The following CYP19A1 variants were observed in gnomAD, a reference collection of about 807,000 sequenced individuals.
The protein encoded by CYP19A1 is aromatase.
A neutral mutation model predicts 44.4 loss-of-function variants in CYP19A1; 32 were observed. The ratio of observed to expected loss-of-function variants is 0.72; its 90% CI spans 0.54 to 0.97. The LOEUF is 0.97. Ranked by LOEUF, CYP19A1 falls within the 50% of genes least tolerant of loss-of-function variation. CYP19A1 has a pLI of 0.00. For missense variants in CYP19A1, 598 were observed against 637.8 expected (o/e 0.94, Z 0.67); for synonymous variants, 212 against 215.6 (o/e 0.98, Z 0.14).
rs1436432614 is a variant in CYP19A1 at position 51,208,724 on chromosome 15, C to G, written c.*2084G>C. ...GATCGTTCAAACCAACACTTCTCCT[C>G]TTCCTGTCCCTCCCCCATGTCCCTC... On this transcript the variant is annotated 3_prime_UTR_variant, in exon 10 of 10. Transcript: ENST00000396402. 6.6e-6 allele frequency: 1 copy of G among 151,760 alleles called. No individual in the cohort carries two copies. Among genetic ancestry groups the G allele is most frequent in the Non-Finnish European group, 1.5e-5 (1 of 67,944 alleles). 9.4% of individuals were successfully genotyped at this position (151,760 alleles called of 1,614,324 possible).
chr15:51,260,481 C>T (rs2140934446), intron 1 of CYP19A1, among the ~76,000 whole-genome samples: 1 of 152,302 alleles, frequency 6.6e-6, no homozygotes, highest in East Asian at 1.9e-4. Context: ...CTGAGACGGA[C>T]TGAGATTACC....
In CYP19A1 at chr15:51,210,709, G is replaced by T; in HGVS notation, c.*99C>A. 3.5e-6 allele frequency: 3 copies of T among 851,170 alleles called. No homozygotes were observed. The allele number at this position is 851,170 out of a possible 1,614,324, so 52.7% of individuals were successfully genotyped here. On this transcript the variant is annotated 3_prime_UTR_variant, in exon 10 of 10. Coordinates refer to ENST00000396402, the MANE Select transcript of CYP19A1 (RefSeq NM_000103.4). ...TGCCTATAAAATGCCATGGGCCACT[G>T]AGTGTTCACTGTGAGGATGACACTA...
intron 1 of CYP19A1, among the ~76,000 whole-genome samples, chr15:51,315,287 A>G (rs1286863112): frequency 1.3e-5 from 2 of 152,046 alleles, no homozygotes; most frequent in African/African-American, 4.8e-5. Flanking sequence ...TGGGGAGTAC[A>G]CTTCCGTCCC....
intron 1 of CYP19A1, among the ~76,000 whole-genome samples, chr15:51,273,484 C>T (rs2035199785): frequency 6.6e-6 from 1 of 151,968 alleles, no homozygotes; most frequent in African/African-American, 2.4e-5. Context: ...GTTTTTCTAT[C>T]TGTAAAATAA....
chr15:51,228,164 AAC>A (rs147288710), intron 3 of CYP19A1, among the ~76,000 whole-genome samples: 19 of 151,948 alleles, frequency 1.3e-4, no homozygotes, highest in Admixed American at 5.2e-4. Flanking sequence ...AAAGATAGAA[AAC>A]ACACACACAC....
At chr15:51,278,614 C>T (rs1388955747) in intron 1 of CYP19A1, among the ~76,000 whole-genome samples, 1 of 152,134 alleles carries the variant, frequency 6.6e-6, no homozygotes, top group African/African-American at 2.4e-5. Context: ...GTCGGAAATC[C>T]GAAGTGATCT....
chr15:51,222,315 G>A (rs1262627605), intron 5 of CYP19A1, 34 bp downstream of exon 5: 6 of 1,614,006 alleles, frequency 3.7e-6, no homozygotes, highest in Non-Finnish European at 4.2e-6. Context: ...GTAAAGGACA[G>A]ATGGTCAAGA....
intron 1 of CYP19A1, among the ~76,000 whole-genome samples, chr15:51,289,928 A>T (rs1312259293): frequency 1.3e-5 from 2 of 152,042 alleles, no homozygotes; most frequent in African/African-American, 2.4e-5. Context: ...CCTGAACAGC[A>T]CCCCCAACTT....
intron 4 of CYP19A1, among the ~76,000 whole-genome samples, chr15:51,225,506 G>T (rs942283043): frequency 1.3e-5 from 2 of 152,180 alleles, no homozygotes; most frequent in Non-Finnish European, 2.9e-5. Flanking sequence ...TCAGAAAGGC[G>T]AAGTGACTTG....
chr15:51,306,571 A>G (rs28757103), intron 1 of CYP19A1, among the ~76,000 whole-genome samples: 11 of 152,248 alleles, frequency 7.2e-5, no homozygotes, highest in Admixed American at 6.5e-4. Context: ...GCACCATCTC[A>G]AGGGCCCTAA....
At chr15:51,257,753 G>A (rs1870847631) in intron 1 of CYP19A1, among the ~76,000 whole-genome samples, 1 of 127,604 alleles carries the variant, frequency 7.8e-6, no homozygotes. Flanking sequence ...AACACATGAA[G>A]GTCAAGTTTT....
intron 1 of CYP19A1, among the ~76,000 whole-genome samples, chr15:51,334,865 C>T (rs2036753138): frequency 6.6e-6 from 1 of 152,184 alleles, no homozygotes; most frequent in African/African-American, 2.4e-5. Context: ...GTCATACCTT[C>T]CCAGGGCATC....
chr15:51,230,878 T>A (rs1198224503), intron 3 of CYP19A1, among the ~76,000 whole-genome samples: 3 of 152,064 alleles, frequency 2.0e-5, no homozygotes, highest in Non-Finnish European at 2.9e-5. Context: ...CACTTTCACC[T>A]CCCAAAGTGC....
At position 51,227,780 on chromosome 15, in the gene CYP19A1, T is replaced by C; in HGVS notation, c.450A>G (p.Lys150=). The change falls in exon 4 of 10, where the codon AAA becomes AAG. Residue 150 remains lysine (K), a splice_region_variant and synonymous_variant. Coordinates refer to ENST00000396402, the MANE Select transcript of CYP19A1 (RefSeq NM_000103.4). ...GTAGCTAACTAAGTACCTGCTTACC[T>C]TTCATAAAGAAGGGTCGAGTTGTTT... ...LWKTTRPFFM[K]ALSGPGLVRM... The C allele has an allele frequency of 6.9e-7, 1 of 1,459,130 alleles. No homozygotes were observed. Among genetic ancestry groups the C allele is most frequent in the South Asian group, 1.1e-5 (1 of 87,900 alleles). 90.4% of individuals were successfully genotyped at this position (1,459,130 alleles called of 1,614,324 possible).
chr15:51,297,865 CA>C (rs2036031442), intron 1 of CYP19A1, among the ~76,000 whole-genome samples: 15 of 151,418 alleles, frequency 9.9e-5, no homozygotes, highest in Admixed American at 3.3e-4. Flanking sequence ...CACACACACA[CA>C]CACCCTAGGC....
intron 1 of CYP19A1, chr15:51,277,953 A>ATTTT: frequency 1.7e-5 from 2 of 115,244 alleles, no homozygotes; most frequent in African/African-American, 8.6e-5. Context: ...TAGTTGCATG[A>ATTTT]GTTTTTTTTT....
At chr15:51,294,402 G>T (rs1285325584) in intron 1 of CYP19A1, among the ~76,000 whole-genome samples, 1 of 149,038 alleles carries the variant, frequency 6.7e-6, no homozygotes, top group African/African-American at 2.5e-5. Flanking sequence ...CTGCCCGGCC[G>T]CCCCGTCTGA....
chr15:51,223,591 T>TCA (rs1157301044), intron 4 of CYP19A1, among the ~76,000 whole-genome samples: 141 of 56,970 alleles, frequency 2.5e-3, no homozygotes, highest in Non-Finnish European at 3.9e-3. Context: ...TCTCTCTCTC[T>TCA]CTCACACACA....
chr15:51,330,227 G>T (rs1053563681), intron 1 of CYP19A1, among the ~76,000 whole-genome samples: 1 of 152,128 alleles, frequency 6.6e-6, no homozygotes, highest in Non-Finnish European at 1.5e-5. Flanking sequence ...CACATGGACC[G>T]AAGAATCGAG....
Sources: allele counts gnomAD v4.1 joint callset (sites outside exome capture counted in the v4.1 genomes callset), GRCh38; gene constraint gnomAD v4.1.1; transcripts MANE v1.5; gene names NCBI Gene and HGNC (gene_info 2026-07-23, HGNC 2026-07-21).